COL4A5: variants seen among roughly 807,000 people sequenced by gnomAD.
COL4A5 encodes the protein collagen alpha-5(IV) chain.
A neutral mutation model predicts 130.2 loss-of-function variants in COL4A5; 26 were observed. That is an observed-to-expected ratio of 0.20 (90% CI 0.15 to 0.28). The LOEUF is 0.28. Among genes scored for constraint, COL4A5 ranks in the 10% least tolerant of loss-of-function variants. The pLI is 1.00. For missense variants in COL4A5, 1,131 were observed against 1,344.3 expected (o/e 0.84, Z 2.48); for synonymous variants, 496 against 439.6 (o/e 1.13, Z -1.60).
intron 2 of COL4A5, among the ~76,000 whole-genome samples, chrX:108,546,531 TG>T (rs2065658515): frequency 8.9e-6 from 1 of 111,938 alleles, no homozygotes; most frequent in East Asian, 2.8e-4. Flanking sequence ...TCTCTCTGGC[TG>T]CCCTTAGCTT....
chrX:108,492,470 T>A (rs781651433), intron 1 of COL4A5, among the ~76,000 whole-genome samples: 1 of 112,046 alleles, frequency 8.9e-6, no homozygotes, highest in South Asian at 3.7e-4. Flanking sequence ...ATCATAATAT[T>A]CAAAATGTCC....
intron 28 of COL4A5, among the ~76,000 whole-genome samples, chrX:108,605,678 A>G (rs2066717532): frequency 1.8e-5 from 2 of 112,084 alleles, no homozygotes; most frequent in South Asian, 3.7e-4. Flanking sequence ...CAGCACAACA[A>G]AATGATGCAC....
chrX:108,674,647 T>C, intron 42 of COL4A5, 98 bp from the exon 43 acceptor site: 1 of 849,428 alleles, frequency 1.2e-6, no homozygotes, highest in East Asian at 3.1e-5. Flanking sequence ...TGTACTATAA[T>C]GTGAACCACT....
intron 1 of COL4A5, among the ~76,000 whole-genome samples, chrX:108,465,158 A>T (rs2064693591): frequency 8.9e-6 from 1 of 111,888 alleles, no homozygotes; most frequent in South Asian, 3.7e-4. Context: ...CTCTTGGGTG[A>T]GTGCAAAGGA....
chrX:108,624,012 G>A (rs2067104720), intron 33 of COL4A5, among the ~76,000 whole-genome samples: 2 of 111,716 alleles, frequency 1.8e-5, no homozygotes, highest in South Asian at 3.7e-4. Flanking sequence ...GCCCAAAATA[G>A]GAAAGTGATT....
At chrX:108,491,394 G>T (rs1171967894) in intron 1 of COL4A5, among the ~76,000 whole-genome samples, 1 of 111,791 alleles carries the variant, frequency 8.9e-6, no homozygotes, top group Non-Finnish European at 1.9e-5. Context: ...ACTACTAAAT[G>T]CTATTTTAAT....
intron 28 of COL4A5, among the ~76,000 whole-genome samples, chrX:108,605,261 C>T (rs2066711348): frequency 8.9e-6 from 1 of 111,854 alleles, no homozygotes; most frequent in African/African-American, 3.3e-5. Flanking sequence ...ACATGTGACT[C>T]TTTCTTTCAC....
At chrX:108,539,929 A>G in intron 2 of COL4A5, 124 bp downstream of exon 2, 1 of 563,124 alleles carries the variant, frequency 1.8e-6, no homozygotes, top group Non-Finnish European at 3.0e-6. Flanking sequence ...ATCCTATTGC[A>G]TTGCTTATTT....
intron 1 of COL4A5, among the ~76,000 whole-genome samples, chrX:108,469,611 T>A (rs2064744055): frequency 8.9e-6 from 1 of 112,223 alleles, no homozygotes; most frequent in African/African-American, 3.2e-5. Context: ...GTTATTTTAT[T>A]TTATTTTCAA....
At chrX:108,607,406 C>T (rs1264311547) in intron 29 of COL4A5, among the ~76,000 whole-genome samples, 1 of 108,035 alleles carries the variant, frequency 9.3e-6, no homozygotes, top group Non-Finnish European at 1.9e-5. Context: ...GAGAAGTCTT[C>T]CTTCCAACCC....
intron 1 of COL4A5, among the ~76,000 whole-genome samples, chrX:108,441,747 G>A (rs1357132167): frequency 9.0e-6 from 1 of 111,560 alleles, no homozygotes; most frequent in Non-Finnish European, 1.9e-5. Context: ...CTCTGTTTCT[G>A]GCATTTGGCC....
At chrX:108,598,167 G>A (rs2066554885) in intron 24 of COL4A5, among the ~76,000 whole-genome samples, 1 of 109,993 alleles carries the variant, frequency 9.1e-6, no homozygotes, top group East Asian at 2.8e-4. Context: ...CTCCACCCTG[G>A]GCAACAAGAG....
At position 108,578,292 on chromosome X, in the gene COL4A5, G is replaced by T. The variant is rs281874763; in HGVS notation, c.689G>T (p.Gly230Val). 1 of 1,207,370 alleles carries T rather than the reference G, an allele frequency of 8.3e-7. No individual in the cohort carries two copies. The highest frequency in any genetic ancestry group is 1.1e-6 in the Non-Finnish European group (1 of 891,501). The change falls in exon 13 of 53, where the codon GGT becomes GTT. Residue 230 changes from glycine to valine, a missense_variant and splice_region_variant. By Grantham distance (109) the Gly-to-Val change is moderately radical. Transcript: ENST00000328300. ...TGTCTTATTTTATCTTGCAAACAGG[G>T]TGAGCAAGGTCTTCAGGGCCCACCT... ...LNFQGPKGEKGEQGLQGPPGP... is the reference protein window; with the variant it reads ...LNFQGPKGEKVEQGLQGPPGP...
intron 48 of COL4A5, among the ~76,000 whole-genome samples, chrX:108,686,883 T>G (rs1314818664): frequency 1.8e-5 from 2 of 112,125 alleles, no homozygotes; most frequent in East Asian, 5.6e-4. Context: ...TGACATTTCA[T>G]TAATGCTATA....
At chrX:108,475,594 G>A (rs749728264) in intron 1 of COL4A5, among the ~76,000 whole-genome samples, 24 of 110,773 alleles carry the variant, frequency 2.2e-4, no homozygotes, top group African/African-American at 6.9e-4. Flanking sequence ...AATGAGTGGG[G>A]GATCTTCACC....
At chrX:108,647,896 A>T (rs2067634891) in intron 36 of COL4A5, among the ~76,000 whole-genome samples, 1 of 111,394 alleles carries the variant, frequency 9.0e-6, no homozygotes, top group South Asian at 3.8e-4. Flanking sequence ...TTGATTTGCG[A>T]ATGTTGAACC....
At position 108,677,490 on chromosome X, in the gene COL4A5, G is replaced by C; in HGVS notation, c.3809-10G>C. Reference sequence around the variant, plus strand: ...TACTGAAATGTCGTCATTTGCTGTGGATTATTAAGGTCTACCAGGTCCAGA... The same window carrying C: ...TACTGAAATGTCGTCATTTGCTGTGCATTATTAAGGTCTACCAGGTCCAGA... On this transcript the variant is annotated splice_polypyrimidine_tract_variant and intron_variant, in intron 43 of 52. Transcript: ENST00000328300. 8.3e-7 allele frequency: 1 copy of C among 1,206,649 alleles called. No individual in the cohort carries two copies. Among genetic ancestry groups the C allele is most frequent in the Non-Finnish European group, 1.1e-6 (1 of 891,965 alleles).
intron 1 of COL4A5, among the ~76,000 whole-genome samples, chrX:108,507,363 C>G (rs2065135868): frequency 9.0e-6 from 1 of 111,297 alleles, no homozygotes; most frequent in Non-Finnish European, 1.9e-5. Flanking sequence ...CAACAAAAAG[C>G]TAATCCACTG....
At chrX:108,538,546 C>A (rs2147653719) in intron 1 of COL4A5, among the ~76,000 whole-genome samples, 1 of 111,390 alleles carries the variant, frequency 9.0e-6, no homozygotes, top group South Asian at 3.8e-4. Context: ...AAGGTCAGTA[C>A]TTTCAAAAGG....
Sources: gnomAD v4.1 joint callset for allele counts (sites outside exome capture counted in the v4.1 genomes callset) on GRCh38, gnomAD v4.1.1 for gene constraint, MANE v1.5 for transcripts, NCBI Gene and HGNC (gene_info 2026-07-23, HGNC 2026-07-21) for gene names.